The following GIGYF2 variants were observed in gnomAD, a reference collection of about 807,000 sequenced individuals.
GIGYF2 encodes the protein GRB10 interacting GYF protein 2.
In GIGYF2, 25 loss-of-function variants were observed where a neutral mutation model predicts 208.1. The observed-to-expected ratio is 0.12, with a 90% CI of 0.09 to 0.17. The LOEUF is 0.17. Among genes scored for constraint, GIGYF2 ranks in the 10% least tolerant of loss-of-function variants. GIGYF2 has a pLI of 1.00. For missense variants in GIGYF2, 1,302 were observed against 1,579.4 expected, an observed-to-expected ratio of 0.82 and a Z score of 2.98; for synonymous variants, 534 against 543.8, an observed-to-expected ratio of 0.98 and a Z score of 0.25.
In GIGYF2 at chr2:232,857,514, G is replaced by A. The variant is rs1205102505; in HGVS notation, c.*654G>A. The A allele has an allele frequency of 6.5e-6, 1 of 153,778 alleles. No individual in the cohort carries two copies. Among genetic ancestry groups the A allele is most frequent in the Non-Finnish European group, 1.4e-5 (1 of 69,136 alleles). 9.5% of individuals were successfully genotyped at this position (153,778 alleles called of 1,614,324 possible). ...TGTTCTTTCTGAGTGTCCTTTCTCT[G>A]AAAGGATTTATGTTTTTCTTCGTTA... On this transcript the variant is annotated 3_prime_UTR_variant, in exon 29 of 29. Coordinates refer to ENST00000373563, the MANE Select transcript of GIGYF2 (RefSeq NM_001103146.3).
At chr2:232,817,768 C>G (rs568047214) in intron 20 of GIGYF2, among the ~76,000 whole-genome samples, 6 of 152,198 alleles carry the variant, frequency 3.9e-5, no homozygotes, top group African/African-American at 1.4e-4. Context: ...TTTGTTTATC[C>G]ATTCCTCTGT....
intron 19 of GIGYF2, 134 bp downstream of exon 19, chr2:232,815,871 T>G: frequency 3.0e-6 from 2 of 677,238 alleles, no homozygotes; most frequent in Non-Finnish European, 5.4e-6. Flanking sequence ...ATAAGTACAT[T>G]CATATTGTAT....
intron 8 of GIGYF2, among the ~76,000 whole-genome samples, chr2:232,775,440 A>G (rs959140908): frequency 2.0e-5 from 3 of 152,220 alleles, no homozygotes; most frequent in Admixed American, 1.3e-4. Flanking sequence ...CAAGTTTCCT[A>G]TATGATTTCT....
At chr2:232,832,280 A>G (rs1254109184) in intron 21 of GIGYF2, among the ~76,000 whole-genome samples, 1 of 152,232 alleles carries the variant, frequency 6.6e-6, no homozygotes, top group Non-Finnish European at 1.5e-5. Context: ...TCCGCAGGGC[A>G]CAATGGAATG....
intron 8 of GIGYF2, among the ~76,000 whole-genome samples, chr2:232,784,651 A>G (rs1412486961): frequency 6.6e-6 from 1 of 152,082 alleles, no homozygotes; most frequent in Non-Finnish European, 1.5e-5. Flanking sequence ...TGCTGGGATT[A>G]CAGGTGTGAG....
intron 8 of GIGYF2, among the ~76,000 whole-genome samples, chr2:232,778,264 A>G (rs563197020): frequency 3.9e-4 from 59 of 152,210 alleles, no homozygotes; most frequent in Non-Finnish European, 6.3e-4. Flanking sequence ...TAGGCAAGAC[A>G]GTTAAGGATT....
At chr2:232,757,096 C>T (rs1036380538) in intron 6 of GIGYF2, among the ~76,000 whole-genome samples, 3 of 152,074 alleles carry the variant, frequency 2.0e-5, no homozygotes, top group African/African-American at 7.2e-5. Context: ...AGACCATTGT[C>T]TCTGCATATT....
At chr2:232,704,843 TTTTAAC>T (rs981106155) in intron 2 of GIGYF2, among the ~76,000 whole-genome samples, 1 of 148,854 alleles carries the variant, frequency 6.7e-6, no homozygotes, top group African/African-American at 2.5e-5. Context: ...TTTTTATAAA[TTTTAAC>T]TTCTGGATTT....
chr2:232,729,585 G>T, intron 2 of GIGYF2: 1 of 1,372,650 alleles, frequency 7.3e-7, no homozygotes, highest in Non-Finnish European at 1.0e-6. Context: ...GCAGTGATCT[G>T]CTTCTCCAGC....
chr2:232,784,624 G>T (rs536015411), intron 8 of GIGYF2, among the ~76,000 whole-genome samples: 2 of 151,698 alleles, frequency 1.3e-5, no homozygotes, highest in African/African-American at 4.8e-5. Flanking sequence ...TGATCTGCCC[G>T]CCTTAGCCTC....
intron 8 of GIGYF2, among the ~76,000 whole-genome samples, chr2:232,777,337 A>G (rs1282736982): frequency 6.6e-6 from 1 of 152,218 alleles, no homozygotes; most frequent in Non-Finnish European, 1.5e-5. Context: ...CAACATTGAA[A>G]TAGTGTTTAG....
intron 8 of GIGYF2, among the ~76,000 whole-genome samples, chr2:232,772,208 C>T (rs1699294095): frequency 6.6e-6 from 1 of 152,142 alleles, no homozygotes; most frequent in African/African-American, 2.4e-5. Flanking sequence ...GCCACCATAC[C>T]TGGTCTTATT....
intron 23 of GIGYF2, among the ~76,000 whole-genome samples, chr2:232,840,316 G>A (rs1490469334): frequency 6.6e-6 from 1 of 152,156 alleles, no homozygotes; most frequent in African/African-American, 2.4e-5. Context: ...AGCAGAATAT[G>A]TTTTTCTCTA....
chr2:232,806,363 T>A lies in GIGYF2; in HGVS notation c.1640-128T>A. The stretch of plus-strand genomic sequence containing the variant: ...CTGTTAGCTACCTTTAGAGGTGAAT[T>A]AAATTAGATAGTATAAAACATTTTG... On this transcript the variant is annotated intron_variant, in intron 14 of 28. Transcript: ENST00000373563. The surrounding 1 kb of genome is among the most constrained non-coding windows in gnomAD (Gnocchi z 4.0). 4.0e-6 allele frequency: 3 copies of A among 743,766 alleles called. No individual in the cohort carries two copies. The highest frequency in any genetic ancestry group is 7.3e-6 in the Non-Finnish European group (3 of 412,268). 46.1% of individuals were successfully genotyped at this position (743,766 alleles called of 1,614,324 possible). A position where few individuals can be genotyped will look rare whatever the true frequency, so the allele number is the denominator to read the frequency against.
At chr2:232,745,122 T>C (rs1053616928) in intron 3 of GIGYF2, among the ~76,000 whole-genome samples, 6 of 152,296 alleles carry the variant, frequency 3.9e-5, no homozygotes, top group Non-Finnish European at 1.5e-5. Flanking sequence ...GAAGGAGTGA[T>C]TGGACCATTC....
At chr2:232,771,264 G>T (rs1026757774) in intron 8 of GIGYF2, 1 of 1,608,082 alleles carries the variant, frequency 6.2e-7, no homozygotes. Flanking sequence ...CTCTTTGAGC[G>T]CCATCCATTT....
At chr2:232,777,086 T>C (rs1380867926) in intron 8 of GIGYF2, among the ~76,000 whole-genome samples, 2 of 152,120 alleles carry the variant, frequency 1.3e-5, no homozygotes, top group African/African-American at 4.8e-5. Flanking sequence ...TTACGTGAAA[T>C]CTTTTATTTT....
In GIGYF2 at chr2:232,784,736, C is replaced by G. The variant is rs187823850; in HGVS notation, c.533-2414C>G. ...TGATATATCAGATATTACATAATAA[C>G]TACAATAGATTTAGATTATGACTTC... On this transcript the variant is annotated intron_variant, in intron 8 of 28. Transcript: ENST00000373563. Among the ~76,000 whole-genome samples, 161 of 152,192 alleles carry G rather than the reference C, an allele frequency of 1.1e-3. 2 individuals are homozygous for G. The highest frequency in any genetic ancestry group is 3.7e-3 in the African/African-American group (154 of 41,530).
chr2:232,825,872 A>G (rs1200832233), intron 21 of GIGYF2, among the ~76,000 whole-genome samples: 1 of 91,524 alleles, frequency 1.1e-5, no homozygotes, highest in Non-Finnish European at 2.1e-5. Context: ...ACCCCTCGAC[A>G]GACCCTGGTG....
Sources: gnomAD v4.1 joint callset for allele counts (sites outside exome capture counted in the v4.1 genomes callset) on GRCh38, gnomAD v4.1.1 for gene constraint, Gnocchi (gnomAD v3.1) non-coding constraint, MANE v1.5 for transcripts, NCBI Gene and HGNC (gene_info 2026-07-23, HGNC 2026-07-21) for gene names.